Variants in STK24 observed in about 807,000 individuals in gnomAD.
STK24 encodes serine/threonine kinase 24.
In STK24, 21 loss-of-function variants were observed where a neutral mutation model predicts 55.6. The ratio of observed to expected loss-of-function variants is 0.38; its 90% confidence interval spans 0.27 to 0.54. STK24 has a LOEUF of 0.54. Ranked by LOEUF, STK24 falls within the 20% of genes least tolerant of loss-of-function variation. STK24 has a pLI of 0.79. For synonymous variants in STK24, 200 were observed against 215.2 expected, an observed-to-expected ratio of 0.93 and a Z score of 0.62; for missense variants, 383 against 538.4, an observed-to-expected ratio of 0.71 and a Z score of 2.86.
intron 2 of STK24, among the ~76,000 whole-genome samples, chr13:98,498,818 GA>G (rs917581030): frequency 2.0e-5 from 3 of 152,206 alleles, no homozygotes; most frequent in African/African-American, 7.2e-5. Context: ...CAGTGGGACA[GA>G]AAGGGAAGGG....
chr13:98,482,369 A>T (rs1481346609), intron 2 of STK24, 48 bp from the exon 3 acceptor site: 2 of 1,216,384 alleles, frequency 1.6e-6, no homozygotes, highest in Non-Finnish European at 2.3e-6. Flanking sequence ...TGAATCCAGG[A>T]AAATTTTTTT....
chr13:98,477,365 G>A (rs181328822), intron 3 of STK24, among the ~76,000 whole-genome samples: 1 of 152,110 alleles, frequency 6.6e-6, no homozygotes, highest in East Asian at 1.9e-4. Flanking sequence ...GAATCCAGTC[G>A]ACCAAAGATC....
intron 2 of STK24, among the ~76,000 whole-genome samples, chr13:98,510,051 A>G (rs1000509728): frequency 1.3e-5 from 2 of 152,228 alleles, no homozygotes; most frequent in African/African-American, 2.4e-5. Context: ...CTTCTAAAAT[A>G]TATGTTTGAA....
At chr13:98,551,356 CAG>C (rs964065172) in intron 1 of STK24, among the ~76,000 whole-genome samples, 5 of 151,732 alleles carry the variant, frequency 3.3e-5, no homozygotes, top group Non-Finnish European at 5.9e-5. Context: ...CAAGCAAAAT[CAG>C]AAATAAGCTA....
At chr13:98,573,041 T>G (rs1403658149) in intron 1 of STK24, among the ~76,000 whole-genome samples, 1 of 152,210 alleles carries the variant, frequency 6.6e-6, no homozygotes, top group Non-Finnish European at 1.5e-5. Context: ...AAATGCTCAT[T>G]GGGAGCACTT....
Position 98,449,258 on chromosome 13 carries a change from C to A in STK24, c.*3915G>T, listed in dbSNP as rs889268488. ...CCGGCACCTGTCGTTATTCCTATATCCTCCTGCAACTGTGGTTTGAAACTG... is the reference window on the plus strand; with the variant it reads ...CCGGCACCTGTCGTTATTCCTATATACTCCTGCAACTGTGGTTTGAAACTG... On this transcript the variant is annotated 3_prime_UTR_variant, in exon 11 of 11. Coordinates refer to ENST00000539966, the MANE Select transcript of STK24 (RefSeq NM_001032296.4). 1 of 152,206 alleles carries A rather than the reference C, an allele frequency of 6.6e-6. No individual in the cohort carries two copies. The highest frequency in any genetic ancestry group is 2.4e-5 in the African/African-American group (1 of 41,442). 9.4% of individuals were successfully genotyped at this position (152,206 alleles called of 1,614,324 possible).
At chr13:98,484,326 C>T (rs111354591) in intron 2 of STK24, among the ~76,000 whole-genome samples, 15 of 152,186 alleles carry the variant, frequency 9.9e-5, no homozygotes, top group African/African-American at 3.1e-4. Context: ...GGAACTCTGA[C>T]GTTTCTACTC....
At chr13:98,567,881 AGAG>A (rs1220075499) in intron 1 of STK24, among the ~76,000 whole-genome samples, 7 of 144,628 alleles carry the variant, frequency 4.8e-5, no homozygotes, top group Non-Finnish European at 1.5e-5. Flanking sequence ...CCTGAAACAG[AGAG>A]AAGACAACTG....
At chr13:98,529,462 C>CCCACTG (rs1014278626) in intron 1 of STK24, among the ~76,000 whole-genome samples, 73 of 152,288 alleles carry the variant, frequency 4.8e-4, no homozygotes, top group African/African-American at 1.7e-3. Context: ...CTGGGGACGA[C>CCCACTG]CCACTGCCCT....
At chr13:98,523,518 A>ATCT (rs761962608) in intron 1 of STK24, among the ~76,000 whole-genome samples, 7 of 152,208 alleles carry the variant, frequency 4.6e-5, no homozygotes, top group Non-Finnish European at 1.0e-4. Flanking sequence ...ACATAATCTA[A>ATCT]GCAAGGCCCC....
intron 2 of STK24, among the ~76,000 whole-genome samples, chr13:98,492,281 A>G (rs1202414963): frequency 6.6e-6 from 1 of 152,170 alleles, no homozygotes; most frequent in Non-Finnish European, 1.5e-5. Flanking sequence ...GTTCCTATTA[A>G]GGAAGGATGA....
intron 2 of STK24, among the ~76,000 whole-genome samples, chr13:98,515,311 G>C (rs191128287): frequency 4.6e-5 from 7 of 152,112 alleles, no homozygotes; most frequent in Middle Eastern, 3.4e-3. Context: ...CCACACACAG[G>C]CAGTTTCATT....
At chr13:98,522,618 G>A (rs1395960599) in intron 1 of STK24, among the ~76,000 whole-genome samples, 9 of 152,298 alleles carry the variant, frequency 5.9e-5, no homozygotes, top group Middle Eastern at 3.4e-3. Flanking sequence ...CAACATGTGT[G>A]CACGGAATTT....
At chr13:98,464,643 GCAC>G (rs1282757216) in intron 6 of STK24, among the ~76,000 whole-genome samples, 2 of 151,186 alleles carry the variant, frequency 1.3e-5, no homozygotes, top group African/African-American at 4.9e-5. Context: ...TTACAGGCCT[GCAC>G]CACCACACCA....
At chr13:98,541,472 T>C (rs1428629754) in intron 1 of STK24, among the ~76,000 whole-genome samples, 1 of 152,186 alleles carries the variant, frequency 6.6e-6, no homozygotes, top group Non-Finnish European at 1.5e-5. Flanking sequence ...TTATGAAAAC[T>C]TTTGAGGTTG....
At chr13:98,563,921 C>G (rs192442013) in intron 1 of STK24, among the ~76,000 whole-genome samples, 2 of 150,566 alleles carry the variant, frequency 1.3e-5, no homozygotes, top group South Asian at 4.2e-4. Flanking sequence ...CTCAGAAAAA[C>G]TACAATGCAC....
intron 2 of STK24, among the ~76,000 whole-genome samples, chr13:98,516,800 A>G (rs1010622843): frequency 1.1e-4 from 16 of 152,224 alleles, no homozygotes; most frequent in Admixed American, 2.0e-4. Context: ...ATACATTTCT[A>G]ACATGTATGA....
chr13:98,490,353 C>T (rs1308778119), intron 2 of STK24, among the ~76,000 whole-genome samples: 1 of 152,090 alleles, frequency 6.6e-6, no homozygotes, highest in East Asian at 1.9e-4. Context: ...ATTTTTAACT[C>T]AAAGGGCATG....
chr13:98,489,662 C>CTGCT (rs978499498), intron 2 of STK24, among the ~76,000 whole-genome samples: 53 of 152,314 alleles, frequency 3.5e-4, no homozygotes, highest in African/African-American at 1.3e-3. Context: ...GGCACCTGAG[C>CTGCT]TGCTCCCTGA....
Sources: allele counts gnomAD v4.1 joint callset (sites outside exome capture counted in the v4.1 genomes callset), GRCh38; gene constraint gnomAD v4.1.1; transcripts MANE v1.5; gene names NCBI Gene and HGNC (gene_info 2026-07-23, HGNC 2026-07-21).